SEC24D: variants seen among roughly 807,000 people sequenced by gnomAD.
The protein encoded by SEC24D is protein transport protein Sec24D.
A neutral mutation model predicts 116.9 loss-of-function variants in SEC24D; 69 were observed. The observed-to-expected ratio is 0.59, with a 90% CI of 0.49 to 0.72. The LOEUF (loss-of-function observed/expected upper bound fraction) is 0.72, where lower values mean the gene tolerates loss of function less well. Ranked by LOEUF, SEC24D falls within the 30% of genes least tolerant of loss-of-function variation. The pLI, the probability that SEC24D is intolerant of heterozygous loss-of-function variation, is 0.00. For missense variants in SEC24D, 1,131 were observed against 1,264.1 expected, an observed-to-expected ratio of 0.89 and a Z score of 1.60; for synonymous variants, 405 against 442.8, an observed-to-expected ratio of 0.91 and a Z score of 1.07.
intron 8 of SEC24D, among the ~76,000 whole-genome samples, chr4:118,780,400 G>A (rs1384027238): frequency 6.6e-6 from 1 of 152,208 alleles, no homozygotes; most frequent in Non-Finnish European, 1.5e-5. Flanking sequence ...TTTCCATGTA[G>A]TTGTGCGGTT....
chr4:118,752,548 C>A, intron 12 of SEC24D, 149 bp downstream of exon 12: 1 of 588,756 alleles, frequency 1.7e-6, no homozygotes, highest in Non-Finnish European at 2.8e-6. Context: ...TTAAAAAAGA[C>A]TGACTTAACA....
intron 13 of SEC24D, among the ~76,000 whole-genome samples, chr4:118,749,568 C>G (rs1726723346): frequency 6.6e-6 from 1 of 152,146 alleles, no homozygotes; most frequent in Non-Finnish European, 1.5e-5. Flanking sequence ...GGGGATGAGA[C>G]TCTCATCTCT....
In SEC24D at chr4:118,766,969, C is replaced by T. The variant is rs139669237; in HGVS notation, c.1180+1204G>A. On this transcript the variant is annotated intron_variant, in intron 9 of 22. Transcript: ENST00000280551. ...TAGAAAGAGAAGTGAGGGTAGAGAA[C>T]TAACAATCTGGTCTCAATGGGATAT... The T allele has an allele frequency of 2.6e-5, 4 of 152,040 alleles. No individual in the cohort carries two copies. In the East Asian group the frequency reaches 7.7e-4, roughly 29 times the overall value. The allele number at this position is 152,040 out of a possible 1,614,324, so 9.4% of individuals were successfully genotyped here. A position where few individuals can be genotyped will look rare whatever the true frequency, so the allele number is the denominator to read the frequency against.
intron 6 of SEC24D, among the ~76,000 whole-genome samples, chr4:118,812,566 A>G (rs1729963217): frequency 6.6e-6 from 1 of 152,128 alleles, no homozygotes; most frequent in Non-Finnish European, 1.5e-5. Context: ...GTGGAAGAGC[A>G]CACTGACAGA....
chr4:118,758,475 A>G (rs965290702), intron 10 of SEC24D: 1 of 152,198 alleles, frequency 6.6e-6, no homozygotes, highest in East Asian at 1.9e-4. Flanking sequence ...GTTTAAAATA[A>G]TCACTGTGAC....
intron 8 of SEC24D, among the ~76,000 whole-genome samples, chr4:118,779,559 A>G (rs556706940): frequency 1.3e-5 from 2 of 152,288 alleles, no homozygotes; most frequent in South Asian, 4.1e-4. Flanking sequence ...TTGGTCTAAA[A>G]TTCTCTTTTT....
chr4:118,793,983 T>A (rs1729063479), intron 8 of SEC24D, among the ~76,000 whole-genome samples: 1 of 152,130 alleles, frequency 6.6e-6, no homozygotes, highest in Admixed American at 6.5e-5. Context: ...TAAGTCAGAT[T>A]CCAGAAATAA....
intron 8 of SEC24D, among the ~76,000 whole-genome samples, chr4:118,774,490 A>G (rs548006327): frequency 6.6e-6 from 1 of 152,190 alleles, no homozygotes; most frequent in Non-Finnish European, 1.5e-5. Flanking sequence ...TCCCATCCAC[A>G]TTGTTCAGAG....
intron 2 of SEC24D, among the ~76,000 whole-genome samples, chr4:118,827,068 T>A (rs992825824): frequency 4.6e-5 from 7 of 152,150 alleles, no homozygotes; most frequent in Non-Finnish European, 2.9e-5. Flanking sequence ...GTTTTCTTCA[T>A]ATAGAAGACA....
intron 21 of SEC24D, chr4:118,729,593 T>C (rs988988873): frequency 3.9e-5 from 6 of 152,224 alleles, no homozygotes; most frequent in African/African-American, 1.4e-4. Context: ...GCGTCTTAGA[T>C]AGCCCAGAAA....
intron 22 of SEC24D, among the ~76,000 whole-genome samples, chr4:118,725,765 C>T (rs188922034): frequency 1.3e-5 from 2 of 152,234 alleles, no homozygotes; most frequent in African/African-American, 4.8e-5. Flanking sequence ...ATATCCTATC[C>T]TACCATTTGA....
At chr4:118,793,778 T>C (rs558288388) in intron 8 of SEC24D, among the ~76,000 whole-genome samples, 43 of 152,304 alleles carry the variant, frequency 2.8e-4, no homozygotes, top group African/African-American at 9.9e-4. Flanking sequence ...CACTGCTATA[T>C]AAAGGGAAGT....
Position 118,792,095 on chromosome 4 carries a change from G to A in SEC24D, c.1041+5588C>T, listed in dbSNP as rs528681821. Among the ~76,000 whole-genome samples the A allele has an allele frequency of 1.8e-3, 267 of 151,358 alleles. 1 individual carries two copies. The highest frequency in any genetic ancestry group is 6.0e-3 in the African/African-American group (247 of 41,172). ...GGGATGTGGGGAGCGCCTCTGCCCC[G>A]CCGCCCCGTCTGAGATGTGAAGAGC... On this transcript the variant is annotated intron_variant, in intron 8 of 22. Transcript: ENST00000280551.
chr4:118,821,937 G>T (rs1179447197), intron 3 of SEC24D, among the ~76,000 whole-genome samples: 1 of 152,174 alleles, frequency 6.6e-6, no homozygotes, highest in Non-Finnish European at 1.5e-5. Context: ...TATGCAAGTT[G>T]TAGCAAGTGA....
intron 6 of SEC24D, among the ~76,000 whole-genome samples, chr4:118,813,899 G>A (rs1023219489): frequency 1.3e-5 from 2 of 152,166 alleles, no homozygotes; most frequent in East Asian, 1.9e-4. Flanking sequence ...CCAGATGCAT[G>A]AGCAAGCTCA....
intron 11 of SEC24D, among the ~76,000 whole-genome samples, chr4:118,753,625 T>C (rs1317716737): frequency 6.6e-6 from 1 of 152,040 alleles, no homozygotes; most frequent in African/African-American, 2.4e-5. Context: ...TATAAAGGCA[T>C]GAATGTTCTC....
intron 22 of SEC24D, among the ~76,000 whole-genome samples, chr4:118,727,096 C>T (rs1578370514): frequency 1.3e-5 from 2 of 152,204 alleles, no homozygotes; most frequent in African/African-American, 4.8e-5. Flanking sequence ...TAGTGAGCTC[C>T]TTTGAGCCTC....
intron 13 of SEC24D, among the ~76,000 whole-genome samples, chr4:118,748,886 A>G (rs1322454011): frequency 6.6e-6 from 1 of 152,116 alleles, no homozygotes; most frequent in African/African-American, 2.4e-5. Flanking sequence ...TTGTGCAAGG[A>G]GCATTGTTTG....
intron 13 of SEC24D, 36 bp from the exon 14 acceptor site, chr4:118,745,096 A>C (rs777815386): frequency 3.4e-6 from 4 of 1,163,856 alleles, no homozygotes; most frequent in Non-Finnish European, 5.0e-6. Context: ...CCCACAGAAA[A>C]TGCCGTGAGT....
Sources: allele counts gnomAD v4.1 joint callset (sites outside exome capture counted in the v4.1 genomes callset), GRCh38; gene constraint gnomAD v4.1.1; transcripts MANE v1.5; gene names NCBI Gene and HGNC (gene_info 2026-07-23, HGNC 2026-07-21).